Variants in TMEM74 observed in about 807,000 individuals in gnomAD.
TMEM74 encodes the protein transmembrane protein 74.
A neutral mutation model predicts 18.1 loss-of-function variants in TMEM74; 13 were observed. That is an observed-to-expected ratio of 0.72 (90% CI 0.47 to 1.14). The LOEUF is 1.14. Ranked by LOEUF, TMEM74 falls within the 50% of genes most tolerant of loss-of-function variation. The probability of loss-of-function intolerance (pLI) is 0.00; values close to 1 mark genes in which losing one functional copy is unlikely to be tolerated. For missense variants in TMEM74, 372 were observed against 375.9 expected (o/e 0.99, Z 0.09); for synonymous variants, 159 against 146.6 (o/e 1.08, Z -0.61).
intron 2 of TMEM74, among the ~76,000 whole-genome samples, chr8:108,650,648 C>G (rs2130570791): frequency 6.6e-6 from 1 of 152,188 alleles, no homozygotes; most frequent in South Asian, 2.1e-4. Flanking sequence ...CCTGGCTTTT[C>G]TTTTACTTAC....
intron 1 of TMEM74, among the ~76,000 whole-genome samples, chr8:108,743,721 TA>T (rs1330800088): frequency 6.6e-6 from 1 of 152,178 alleles, no homozygotes; most frequent in East Asian, 1.9e-4. Flanking sequence ...TGGTGATTTT[TA>T]AAAATCAATT....
intron 1 of TMEM74, among the ~76,000 whole-genome samples, chr8:108,674,770 A>G (rs532916216): frequency 6.6e-6 from 1 of 152,170 alleles, no homozygotes; most frequent in Admixed American, 6.5e-5. Flanking sequence ...CACCACTCAC[A>G]TTGTCCTCTA....
chr8:108,746,908 T>C (rs1304095799), intron 1 of TMEM74, among the ~76,000 whole-genome samples: 1 of 152,168 alleles, frequency 6.6e-6, no homozygotes, highest in East Asian at 1.9e-4. Flanking sequence ...CCTTTCCTCA[T>C]GCCTTGCCCT....
At chr8:108,755,288 C>T (rs1813948464) in intron 1 of TMEM74, among the ~76,000 whole-genome samples, 1 of 152,042 alleles carries the variant, frequency 6.6e-6, no homozygotes, top group African/African-American at 2.4e-5. Flanking sequence ...CTGGTTGATA[C>T]CTTGATTGCA....
intron 1 of TMEM74, among the ~76,000 whole-genome samples, chr8:108,726,434 T>C (rs1424678799): frequency 2.0e-5 from 3 of 152,196 alleles, no homozygotes; most frequent in African/African-American, 7.2e-5. Flanking sequence ...CCTGGTGAAA[T>C]GATACATTTT....
chr8:108,765,495 CT>C (rs1184252905), intron 1 of TMEM74, among the ~76,000 whole-genome samples: 1 of 148,502 alleles, frequency 6.7e-6, no homozygotes, highest in Non-Finnish European at 1.5e-5. Context: ...CAACCTCCAT[CT>C]CCTGGGTTCA....
At chr8:108,767,516 T>C (rs962527260) in intron 1 of TMEM74, among the ~76,000 whole-genome samples, 1 of 152,296 alleles carries the variant, frequency 6.6e-6, no homozygotes, top group East Asian at 1.9e-4. Context: ...GGTAAAACCA[T>C]TTTTCACTGT....
chr8:108,742,275 T>A (rs558689933), intron 1 of TMEM74, among the ~76,000 whole-genome samples: 1 of 152,134 alleles, frequency 6.6e-6, no homozygotes, highest in Non-Finnish European at 1.5e-5. Context: ...AATCTTCACA[T>A]GTACCCCCGA....
chr8:108,742,168 G>A (rs1323164660), intron 1 of TMEM74, among the ~76,000 whole-genome samples: 1 of 151,954 alleles, frequency 6.6e-6, no homozygotes, highest in Non-Finnish European at 1.5e-5. Flanking sequence ...AGGGAGAGGA[G>A]CAGAAAAAAA....
At chr8:108,774,776 T>TTTTG (rs1814209992), downstream of TMEM74, among the ~76,000 whole-genome samples, 1 of 150,638 alleles carries the variant, frequency 6.6e-6, no homozygotes. Context: ...TTTTTTTTTT[T>TTTTG]TCTGTAGAGA....
chr8:108,648,892 G>T (rs1586246828), intron 2 of TMEM74, among the ~76,000 whole-genome samples: 1 of 152,240 alleles, frequency 6.6e-6, no homozygotes, highest in Non-Finnish European at 1.5e-5. Flanking sequence ...ACGTTTCGGG[G>T]TGATTTCTTA....
chr8:108,783,683 T>C lies in TMEM74; in HGVS notation c.*498A>G, dbSNP rs2129668428. 1 of 150,888 alleles carries C rather than the reference T, an allele frequency of 6.6e-6. No individual in the cohort carries two copies. Among genetic ancestry groups the C allele is most frequent in the South Asian group, 2.1e-4 (1 of 4,806 alleles). The allele number at this position is 150,888 out of a possible 1,614,324, so 9.3% of individuals were successfully genotyped here. ...CAAAATATTCAAACTAAAAATTCCA[T>C]GTTTTAGTGTTTAGCCAAATTACAA... On this transcript the variant is annotated 3_prime_UTR_variant, in exon 2 of 2. Transcript: ENST00000297459.
At chr8:108,694,331 A>T (rs535315094) in intron 1 of TMEM74, among the ~76,000 whole-genome samples, 1 of 151,794 alleles carries the variant, frequency 6.6e-6, no homozygotes. Flanking sequence ...AGCCATAAAA[A>T]GATATGATAC....
At chr8:108,695,684 C>A (rs1035865257) in intron 1 of TMEM74, among the ~76,000 whole-genome samples, 3 of 152,136 alleles carry the variant, frequency 2.0e-5, no homozygotes, top group Non-Finnish European at 4.4e-5. Context: ...TTGATCTTCT[C>A]CCAATTTGTG....
chr8:108,739,844 T>C (rs778515947), intron 1 of TMEM74, among the ~76,000 whole-genome samples: 3 of 151,880 alleles, frequency 2.0e-5, no homozygotes, highest in African/African-American at 4.8e-5. Context: ...CACCAGGTCA[T>C]GGGGGCAACG....
At chr8:108,639,983 A>T in intron 2 of TMEM74, among the ~76,000 whole-genome samples, 1 of 152,194 alleles carries the variant, frequency 6.6e-6, no homozygotes, top group East Asian at 1.9e-4. Context: ...CATCTTTGAT[A>T]TCACCACGCA....
intron 1 of TMEM74, among the ~76,000 whole-genome samples, chr8:108,730,633 C>CTTTTT: frequency 7.1e-6 from 1 of 140,854 alleles, no homozygotes; most frequent in African/African-American, 3.0e-5. Flanking sequence ...ATGCAGACTT[C>CTTTTT]CTTTTTTTTT....
chr8:108,624,413 C>A (rs1812473180), intron 2 of TMEM74, among the ~76,000 whole-genome samples: 1 of 152,028 alleles, frequency 6.6e-6, no homozygotes, highest in African/African-American at 2.4e-5. Flanking sequence ...TCCTCTCTTC[C>A]TTAAGTATAA....
downstream of TMEM74, among the ~76,000 whole-genome samples, chr8:108,777,475 T>C (rs1238187207): frequency 6.6e-6 from 1 of 152,172 alleles, no homozygotes; most frequent in Non-Finnish European, 1.5e-5. Flanking sequence ...TTGATAGTTT[T>C]GACATATATT....
Sources: allele counts gnomAD v4.1 joint callset (sites outside exome capture counted in the v4.1 genomes callset), GRCh38; gene constraint gnomAD v4.1.1; transcripts MANE v1.5; gene names NCBI Gene and HGNC (gene_info 2026-07-23, HGNC 2026-07-21).